Variants in TM4SF5 observed in about 807,000 individuals in gnomAD.
TM4SF5 encodes the protein transmembrane 4 L6 family member 5.
Under a neutral mutation model 22.3 loss-of-function variants are expected in TM4SF5, and 16 were observed. The observed-to-expected ratio is 0.72, with a 90% CI of 0.49 to 1.09. The LOEUF is 1.09. Among genes scored for constraint, TM4SF5 ranks in the 50% least tolerant of loss-of-function variants. The pLI, the probability that TM4SF5 is intolerant of heterozygous loss-of-function variation, is 0.00. For synonymous variants in TM4SF5, 113 were observed against 109.6 expected (o/e 1.03, Z -0.19); for missense variants, 249 against 266.1 (o/e 0.94, Z 0.45).
chr17:4,774,414 C>A (rs951001270), intron 1 of TM4SF5, among the ~76,000 whole-genome samples: 1 of 152,078 alleles, frequency 6.6e-6, no homozygotes, highest in African/African-American at 2.4e-5. Flanking sequence ...ACTAAACAGA[C>A]ACCCAATTAA....
Position 4,782,027 on chromosome 17 carries a change from G to A in TM4SF5, c.259-476G>A, listed in dbSNP as rs73339950. 4.3e-3 allele frequency among the ~76,000 whole-genome samples: 648 copies of A among 152,032 alleles called. 5 individuals are homozygous for A. The highest frequency in any genetic ancestry group is 0.014 in the African/African-American group (575 of 41,428). ...GTCCGCAGAGGAGCTTGTGTAGCTA[G>A]GAATTCCATAGAGAGTGCTGTGGTT... On this transcript the variant is annotated intron_variant, in intron 2 of 4. Coordinates refer to ENST00000270560, the MANE Select transcript of TM4SF5 (RefSeq NM_003963.3).
chr17:4,782,971 A>G lies in TM4SF5; in HGVS notation c.513A>G (p.Val171=). ...LLVAASCLEI[V]LCGIQLVNAT... ...TGGCCGCCTCCTGCCTGGAGATAGT[A>G]CTGTGTGGGATCCAGCTGGTGAACG... Residue 171 remains valine (V), a synonymous_variant, in exon 4 of 5, where the codon GTA becomes GTG. Coordinates refer to ENST00000270560, the MANE Select transcript of TM4SF5 (RefSeq NM_003963.3). 1.9e-6 allele frequency: 3 copies of G among 1,614,120 alleles called. No individual in the cohort carries two copies. The highest frequency in any genetic ancestry group is 1.7e-6 in the Non-Finnish European group (2 of 1,180,032).
chr17:4,781,753 G>A (rs1020221135), intron 2 of TM4SF5, among the ~76,000 whole-genome samples: 1 of 151,958 alleles, frequency 6.6e-6, no homozygotes, highest in African/African-American at 2.4e-5. Flanking sequence ...GGCCTCAGGC[G>A]ATCTGCCCCC....
intron 1 of TM4SF5, among the ~76,000 whole-genome samples, chr17:4,772,353 T>C (rs1307721735): frequency 6.6e-6 from 1 of 152,154 alleles, no homozygotes; most frequent in Non-Finnish European, 1.5e-5. Context: ...GAGCATGTCC[T>C]GCCTGTCCTC....
At chr17:4,775,749 C>T (rs941219223) in intron 1 of TM4SF5, among the ~76,000 whole-genome samples, 1 of 152,154 alleles carries the variant, frequency 6.6e-6, no homozygotes, top group African/African-American at 2.4e-5. Flanking sequence ...ACACACGGAA[C>T]CCCAGAATCA....
At chr17:4,779,019 T>C (rs1230242227) in intron 1 of TM4SF5, among the ~76,000 whole-genome samples, 6 of 145,906 alleles carry the variant, frequency 4.1e-5, no homozygotes, top group African/African-American at 1.5e-4. Flanking sequence ...ATCACACCAC[T>C]GTACTCCAAC....
intron 1 of TM4SF5, 133 bp from the exon 2 acceptor site, chr17:4,780,656 T>C (rs933155208): frequency 1.7e-6 from 1 of 592,922 alleles, no homozygotes; most frequent in African/African-American, 2.0e-5. Context: ...CCAGGAGACG[T>C]AGAGATAAGG....
intron 1 of TM4SF5, among the ~76,000 whole-genome samples, chr17:4,778,371 T>A (rs1917243198): frequency 6.6e-6 from 1 of 150,838 alleles, no homozygotes; most frequent in Non-Finnish European, 1.5e-5. Context: ...TCCCAGCAAT[T>A]TGGGAGGCTG....
chr17:4,777,272 G>A (rs922612678), intron 1 of TM4SF5, among the ~76,000 whole-genome samples: 2 of 151,970 alleles, frequency 1.3e-5, no homozygotes, highest in East Asian at 1.9e-4. Flanking sequence ...GAGTGGCTTG[G>A]ACTAGGCCAG....
rs1276806046 is a variant in TM4SF5, at chr17:4,771,907, T to G, written c.-16T>G. The G allele has an allele frequency of 3.1e-6, 5 of 1,614,080 alleles. No homozygotes were observed. Among genetic ancestry groups the G allele is most frequent in the Admixed American group, 1.7e-5 (1 of 60,004 alleles). On this transcript the variant is annotated 5_prime_UTR_variant, in exon 1 of 5. Coordinates refer to ENST00000270560, the MANE Select transcript of TM4SF5 (RefSeq NM_003963.3). ...GCTTACTTTCACTCACCGCCTGTCC[T>G]TCCTGACACCTCACCATGTGTACGG...
Position 4,782,978 on chromosome 17 carries a change from G to A in TM4SF5, c.520G>A (p.Gly174Arg), listed in dbSNP as rs774369501. Residue 174 changes from glycine to arginine, a missense_variant, in exon 4 of 5, where the codon GGG becomes AGG. Physicochemically the swap from Gly to Arg is moderately radical, Grantham distance 125. Coordinates refer to ENST00000270560, the MANE Select transcript of TM4SF5 (RefSeq NM_003963.3). ...CTCCTGCCTGGAGATAGTACTGTGT[G>A]GGATCCAGCTGGTGAACGCGACCAT... ...AASCLEIVLC[G>R]IQLVNATIGV... 11 of 1,614,140 alleles carry A rather than the reference G, an allele frequency of 6.8e-6. No individual in the cohort carries two copies. The highest frequency in any genetic ancestry group is 8.5e-6 in the Non-Finnish European group (10 of 1,180,054).
At chr17:4,781,185 C>A (rs1313462686) in intron 2 of TM4SF5, among the ~76,000 whole-genome samples, 1 of 150,708 alleles carries the variant, frequency 6.6e-6, no homozygotes, top group Non-Finnish European at 1.5e-5. Flanking sequence ...CAGAAATTAG[C>A]CAGGCGTGGT....
chr17:4,772,698 G>A (rs893505310), intron 1 of TM4SF5, among the ~76,000 whole-genome samples: 8 of 150,832 alleles, frequency 5.3e-5, no homozygotes, highest in Non-Finnish European at 1.0e-4. Flanking sequence ...GGTGGGGGTT[G>A]GTTTTTGTGT....
In TM4SF5 at chr17:4,781,007, C is replaced by G. The variant is rs1597299526; in HGVS notation, c.258+138C>G. On this transcript the variant is annotated intron_variant, in intron 2 of 4. Coordinates refer to ENST00000270560, the MANE Select transcript of TM4SF5 (RefSeq NM_003963.3). ...CAGCCCAGGAAACATGGCAAGATCC[C>G]TATCTCTACTAACAATACAAAAATT... 4.4e-6 allele frequency: 3 copies of G among 689,178 alleles called. No individual in the cohort carries two copies. The East Asian group carries it at 9.4e-5, about 21-fold the overall frequency. The allele number at this position is 689,178 out of a possible 1,614,324, so 42.7% of individuals were successfully genotyped here.
chr17:4,781,278 C>T (rs895438346), intron 2 of TM4SF5, among the ~76,000 whole-genome samples: 15 of 150,502 alleles, frequency 1.0e-4, no homozygotes, highest in African/African-American at 3.2e-4. Context: ...TGCAATGGGC[C>T]GAGATCACAC....
chr17:4,778,508 G>A (rs1225232996), intron 1 of TM4SF5, among the ~76,000 whole-genome samples: 1 of 151,894 alleles, frequency 6.6e-6, no homozygotes, highest in Non-Finnish European at 1.5e-5. Flanking sequence ...TCGGGAGGCC[G>A]AGGTGAGAAG....
intron 1 of TM4SF5, among the ~76,000 whole-genome samples, chr17:4,779,447 A>C (rs183214220): frequency 7.9e-5 from 12 of 152,238 alleles, no homozygotes; most frequent in Non-Finnish European, 1.5e-4. Context: ...AGAAAGAAAA[A>C]AAAAAGCTAT....
rs748531539 is a variant in TM4SF5, at chr17:4,771,926, T to C, written c.4T>C (p.Cys2Arg). 1.9e-6 allele frequency: 3 copies of C among 1,614,168 alleles called. No homozygotes were observed. Among genetic ancestry groups the C allele is most frequent in the South Asian group, 2.2e-5 (2 of 91,084 alleles). The stretch of plus-strand genomic sequence containing the variant: ...CTGTCCTTCCTGACACCTCACCATG[T>C]GTACGGGAAAATGTGCCCGCTGTGT... M[C>R]TGKCARCVGL... is the part of the protein sequence containing the mutation. Residue 2 changes from cysteine to arginine, a missense_variant, in exon 1 of 5, where the codon TGT (cysteine) becomes CGT (arginine). Physicochemically the swap from Cys to Arg is radical, Grantham distance 180. Transcript: ENST00000270560.
At chr17:4,773,224 A>G (rs1012255591) in intron 1 of TM4SF5, among the ~76,000 whole-genome samples, 3 of 151,720 alleles carry the variant, frequency 2.0e-5, no homozygotes, top group Non-Finnish European at 4.4e-5. Context: ...GTAGAGACGG[A>G]GTATCTCTGT....
Sources: gnomAD v4.1 joint callset for allele counts (sites outside exome capture counted in the v4.1 genomes callset) on GRCh38, gnomAD v4.1.1 for gene constraint, MANE v1.5 for transcripts, NCBI Gene and HGNC (gene_info 2026-07-23, HGNC 2026-07-21) for gene names.